The following CTNND2 variants were observed in gnomAD, a reference collection of about 807,000 sequenced individuals.
CTNND2 encodes the protein catenin delta-2.
Under a neutral mutation model 144.4 loss-of-function variants are expected in CTNND2, and 22 were observed. The observed-to-expected ratio is 0.15, with a 90% CI of 0.11 to 0.22. CTNND2 has a LOEUF of 0.22. Among genes scored for constraint, CTNND2 ranks in the 10% least tolerant of loss-of-function variants. The probability of loss-of-function intolerance (pLI) is 1.00; values close to 1 mark genes in which losing one functional copy is unlikely to be tolerated. For synonymous variants in CTNND2, 751 were observed against 695.6 expected, an observed-to-expected ratio of 1.08 and a Z score of -1.25; for missense variants, 1,353 against 1,618.8, an observed-to-expected ratio of 0.84 and a Z score of 2.82.
At chr5:11,613,127 G>A (rs1320274665) in intron 2 of CTNND2, among the ~76,000 whole-genome samples, 1 of 152,128 alleles carries the variant, frequency 6.6e-6, no homozygotes, top group African/African-American at 2.4e-5. Flanking sequence ...CATTTTCTAA[G>A]AAGTTTTTGC....
At chr5:11,646,950 C>T (rs1208576336) in intron 2 of CTNND2, among the ~76,000 whole-genome samples, 3 of 152,212 alleles carry the variant, frequency 2.0e-5, no homozygotes, top group African/African-American at 4.8e-5. Context: ...GACATCAAAA[C>T]AGCCACACAT....
intron 2 of CTNND2, among the ~76,000 whole-genome samples, chr5:11,723,965 G>T (rs1786851604): frequency 6.6e-6 from 1 of 151,886 alleles, no homozygotes; most frequent in Non-Finnish European, 1.5e-5. Flanking sequence ...TGTGGCAGAA[G>T]AATGGTGTGA....
intron 9 of CTNND2, among the ~76,000 whole-genome samples, chr5:11,261,426 T>C (rs1463354640): frequency 6.6e-6 from 1 of 152,186 alleles, no homozygotes; most frequent in Non-Finnish European, 1.5e-5. Flanking sequence ...CTACCCAATG[T>C]CCTCCCGGGT....
At chr5:11,416,381 A>G (rs990110461) in intron 3 of CTNND2, among the ~76,000 whole-genome samples, 1 of 152,262 alleles carries the variant, frequency 6.6e-6, no homozygotes, top group Non-Finnish European at 1.5e-5. Flanking sequence ...GCAGACAAAA[A>G]GCACTAATCA....
chr5:10,978,495 TG>T (rs927950649), intron 21 of CTNND2, among the ~76,000 whole-genome samples: 7 of 133,922 alleles, frequency 5.2e-5, no homozygotes, highest in African/African-American at 2.1e-4. Context: ...AAATACTTTT[TG>T]GGGAGGGGGG....
At chr5:11,683,466 T>C (rs1450488305) in intron 2 of CTNND2, among the ~76,000 whole-genome samples, 2 of 152,222 alleles carry the variant, frequency 1.3e-5, no homozygotes, top group South Asian at 2.1e-4. Flanking sequence ...TGATCCAGTA[T>C]AAAGACAATG....
intron 8 of CTNND2, among the ~76,000 whole-genome samples, chr5:11,355,712 C>A (rs1324022607): frequency 6.6e-6 from 1 of 152,062 alleles, no homozygotes; most frequent in Non-Finnish European, 1.5e-5. Context: ...AAACAAAAGG[C>A]ATTGAAATTG....
chr5:11,120,489 T>C (rs899604314), intron 12 of CTNND2, among the ~76,000 whole-genome samples: 1 of 149,578 alleles, frequency 6.7e-6, no homozygotes, highest in Non-Finnish European at 1.5e-5. Context: ...GGGGTTATCA[T>C]GCTGTCCGCA....
At chr5:11,357,744 T>C (rs891628052) in intron 8 of CTNND2, among the ~76,000 whole-genome samples, 4 of 152,192 alleles carry the variant, frequency 2.6e-5, no homozygotes, top group African/African-American at 9.6e-5. Flanking sequence ...CACACTGCCC[T>C]GACTGGATCA....
intron 3 of CTNND2, among the ~76,000 whole-genome samples, chr5:11,512,001 T>C (rs1235595032): frequency 2.0e-5 from 3 of 152,198 alleles, no homozygotes; most frequent in Non-Finnish European, 4.4e-5. Flanking sequence ...TCCATTCTCA[T>C]GCAATGGGAC....
chr5:10,989,145 G>T (rs2149495532), intron 19 of CTNND2, among the ~76,000 whole-genome samples: 1 of 152,312 alleles, frequency 6.6e-6, no homozygotes, highest in East Asian at 1.9e-4. Flanking sequence ...TGAATGGATT[G>T]GCAGCAACTC....
intron 1 of CTNND2, among the ~76,000 whole-genome samples, chr5:11,777,761 T>G (rs1015830834): frequency 6.6e-6 from 1 of 152,168 alleles, no homozygotes; most frequent in African/African-American, 2.4e-5. Flanking sequence ...CCTGTCAAAT[T>G]TCCCCTGGAG....
intron 8 of CTNND2, among the ~76,000 whole-genome samples, chr5:11,358,823 T>C (rs1756162194): frequency 6.6e-6 from 1 of 152,238 alleles, no homozygotes; most frequent in South Asian, 2.1e-4. Flanking sequence ...CTTGTCATCT[T>C]CATGAAGATA....
At chr5:11,437,582 T>C (rs532428829) in intron 3 of CTNND2, among the ~76,000 whole-genome samples, 11 of 152,224 alleles carry the variant, frequency 7.2e-5, no homozygotes, top group African/African-American at 2.2e-4. Flanking sequence ...AGGGATGTGG[T>C]TTGAGCTTGA....
At chr5:11,072,495 A>G (rs1748438040) in intron 16 of CTNND2, among the ~76,000 whole-genome samples, 1 of 152,228 alleles carries the variant, frequency 6.6e-6, no homozygotes, top group African/African-American at 2.4e-5. Context: ...ACTTTAAAAA[A>G]CCAAGTTTCC....
intron 3 of CTNND2, among the ~76,000 whole-genome samples, chr5:11,538,401 C>T (rs1774420889): frequency 6.6e-6 from 1 of 152,168 alleles, no homozygotes; most frequent in South Asian, 2.1e-4. Flanking sequence ...ATTCATTCAA[C>T]TCTTTTGTTA....
At chr5:11,044,526 C>A (rs1211759694) in intron 16 of CTNND2, among the ~76,000 whole-genome samples, 11 of 105,492 alleles carry the variant, frequency 1.0e-4, no homozygotes, top group Non-Finnish European at 1.5e-4. Flanking sequence ...ACAACACATG[C>A]TTGCAAAAAA....
At chr5:11,089,164 C>A (rs1430100822) in intron 15 of CTNND2, among the ~76,000 whole-genome samples, 1 of 152,224 alleles carries the variant, frequency 6.6e-6, no homozygotes, top group Non-Finnish European at 1.5e-5. Flanking sequence ...TCTGCCTTAA[C>A]CTGCTCTTAA....
intron 16 of CTNND2, among the ~76,000 whole-genome samples, chr5:11,035,176 C>G (rs1561205548): frequency 6.6e-6 from 1 of 152,030 alleles, no homozygotes; most frequent in Non-Finnish European, 1.5e-5. Flanking sequence ...TGCTTTAAAA[C>G]TAGATACATT....
Sources: allele counts gnomAD v4.1 joint callset (sites outside exome capture counted in the v4.1 genomes callset), GRCh38; gene constraint gnomAD v4.1.1; transcripts MANE v1.5; gene names NCBI Gene and HGNC (gene_info 2026-07-23, HGNC 2026-07-21).